Variants in DLG2 observed in about 807,000 individuals in gnomAD.
The protein encoded by DLG2 is disks large homolog 2.
Under a neutral mutation model 132.5 loss-of-function variants are expected in DLG2, and 45 were observed. The observed-to-expected ratio is 0.34, with a 90% CI of 0.27 to 0.44. The LOEUF (loss-of-function observed/expected upper bound fraction) is 0.44. Among genes scored for constraint, DLG2 ranks in the 20% least tolerant of loss-of-function variants. DLG2 has a pLI of 1.00. For synonymous variants in DLG2, 424 were observed against 419.6 expected, an observed-to-expected ratio of 1.01 and a Z score of -0.13; for missense variants, 1,045 against 1,196.9, an observed-to-expected ratio of 0.87 and a Z score of 1.87.
chr11:83,770,817 T>A (rs2094362538), intron 18 of DLG2, among the ~76,000 whole-genome samples: 1 of 152,154 alleles, frequency 6.6e-6, no homozygotes, highest in Non-Finnish European at 1.5e-5. Context: ...CAATAATGTA[T>A]CCTTAATATT....
intron 18 of DLG2, among the ~76,000 whole-genome samples, chr11:83,728,002 T>C (rs2090332948): frequency 6.6e-6 from 1 of 152,204 alleles, no homozygotes; most frequent in South Asian, 2.1e-4. Context: ...GGTATCACAA[T>C]TGTAGTGATA....
intron 7 of DLG2, among the ~76,000 whole-genome samples, chr11:84,314,331 T>A (rs945300745): frequency 5.3e-5 from 8 of 152,206 alleles, no homozygotes; most frequent in Non-Finnish European, 1.2e-4. Context: ...CACAGGATAT[T>A]CCCAGTTAAT....
At chr11:83,899,151 C>G (rs984772821) in intron 15 of DLG2, among the ~76,000 whole-genome samples, 2 of 151,780 alleles carry the variant, frequency 1.3e-5, no homozygotes, top group Non-Finnish European at 2.9e-5. Context: ...ACTCTTGTTG[C>G]TAAATCTGTT....
chr11:85,226,219 T>C (rs2074966497), intron 4 of DLG2, among the ~76,000 whole-genome samples: 2 of 151,524 alleles, frequency 1.3e-5, no homozygotes, highest in African/African-American at 4.8e-5. Flanking sequence ...TTTAACAATA[T>C]ATGTAGAGCA....
intron 3 of DLG2, among the ~76,000 whole-genome samples, chr11:85,413,850 T>C (rs951292576): frequency 6.6e-6 from 1 of 152,226 alleles, no homozygotes; most frequent in South Asian, 2.1e-4. Context: ...TCCAGGTTTG[T>C]TATTTTTGCT....
At chr11:84,128,664 C>T (rs998561765) in intron 9 of DLG2, among the ~76,000 whole-genome samples, 1 of 152,022 alleles carries the variant, frequency 6.6e-6, no homozygotes, top group Non-Finnish European at 1.5e-5. Context: ...CCCCAACCCC[C>T]CTTAGTTACA....
chr11:85,083,601 G>A (rs929103370), intron 6 of DLG2, among the ~76,000 whole-genome samples: 1 of 152,122 alleles, frequency 6.6e-6, no homozygotes, highest in African/African-American at 2.4e-5. Context: ...GGTATGGAAG[G>A]TAGGACAACT....
At chr11:83,988,410 A>G (rs569739388) in intron 11 of DLG2, among the ~76,000 whole-genome samples, 7 of 152,244 alleles carry the variant, frequency 4.6e-5, no homozygotes, top group Admixed American at 2.6e-4. Context: ...TTTTGGTTCC[A>G]TAAGAATTTT....
At chr11:85,416,768 C>T (rs2089895935) in intron 3 of DLG2, among the ~76,000 whole-genome samples, 1 of 152,120 alleles carries the variant, frequency 6.6e-6, no homozygotes, top group Non-Finnish European at 1.5e-5. Flanking sequence ...TGTAGAAATG[C>T]TTGTGATTTT....
intron 7 of DLG2, among the ~76,000 whole-genome samples, chr11:84,469,238 T>C (rs2099102331): frequency 6.6e-6 from 1 of 151,622 alleles, no homozygotes; most frequent in Admixed American, 6.6e-5. Flanking sequence ...GGAATGAGTT[T>C]GAGGAAGAAC....
At chr11:83,562,477 G>A (rs2096628974) in intron 19 of DLG2, among the ~76,000 whole-genome samples, 1 of 151,986 alleles carries the variant, frequency 6.6e-6, no homozygotes, top group African/African-American at 2.4e-5. Context: ...CCTAGTACAG[G>A]CACTCAGTTC....
intron 3 of DLG2, among the ~76,000 whole-genome samples, chr11:85,323,430 G>C (rs1271287936): frequency 6.6e-6 from 1 of 152,152 alleles, no homozygotes; most frequent in Non-Finnish European, 1.5e-5. Context: ...TACATGCATA[G>C]AGTGTGCAAT....
intron 17 of DLG2, among the ~76,000 whole-genome samples, chr11:83,794,453 T>G (rs7939032): frequency 0.64 from 89,474 of 139,252 alleles, 29,154 homozygotes; most frequent in Middle Eastern, 0.82. Context: ...TTTTTTTTTT[T>G]TTTTTTTTTT....
At chr11:83,830,622 C>G (rs1026759665) in intron 17 of DLG2, among the ~76,000 whole-genome samples, 1 of 152,216 alleles carries the variant, frequency 6.6e-6, no homozygotes, top group Non-Finnish European at 1.5e-5. Flanking sequence ...GATGTGCACA[C>G]AGTGCGGTGT....
chr11:84,735,160 G>A (rs1378419334), intron 6 of DLG2, among the ~76,000 whole-genome samples: 1 of 152,174 alleles, frequency 6.6e-6, no homozygotes, highest in Non-Finnish European at 1.5e-5. Context: ...CATAAAATGA[G>A]TTAGGGAAGA....
intron 6 of DLG2, among the ~76,000 whole-genome samples, chr11:85,069,879 A>G (rs920266319): frequency 5.8e-4 from 88 of 152,248 alleles, no homozygotes; most frequent in African/African-American, 2.0e-3. Flanking sequence ...CACTATTCAC[A>G]ATAGCAAAGA....
chr11:84,997,517 G>C (rs1466234985), intron 6 of DLG2: 1 of 152,064 alleles, frequency 6.6e-6, no homozygotes, highest in Non-Finnish European at 1.5e-5. Context: ...TCTTTGTCCT[G>C]GGAGGTTTTC....
intron 7 of DLG2, among the ~76,000 whole-genome samples, chr11:84,490,869 A>T (rs1038782501): frequency 8.1e-5 from 12 of 148,376 alleles, no homozygotes; most frequent in Non-Finnish European, 1.6e-4. Flanking sequence ...TCCCATTCTA[A>T]CAGATCTGAA....
chr11:84,784,321 A>AAATAAAT (rs2072422882), intron 6 of DLG2, among the ~76,000 whole-genome samples: 1 of 124,466 alleles, frequency 8.0e-6, no homozygotes, highest in Non-Finnish European at 1.8e-5. Context: ...ACTCCACCTC[A>AAATAAAT]AAATAAATAA....
Sources: gnomAD v4.1 joint callset for allele counts (sites outside exome capture counted in the v4.1 genomes callset) on GRCh38, gnomAD v4.1.1 for gene constraint, MANE v1.5 for transcripts, NCBI Gene and HGNC (gene_info 2026-07-23, HGNC 2026-07-21) for gene names.